Variants in RSF1 observed in about 807,000 individuals in gnomAD.
RSF1 encodes the protein HBV pX-associated protein 8.
A neutral mutation model predicts 145.2 loss-of-function variants in RSF1; 13 were observed. That is an observed-to-expected ratio of 0.09 (90% CI 0.06 to 0.14). RSF1 has a LOEUF of 0.14. RSF1 is among the 10% of genes least tolerant of loss of function. RSF1 has a pLI of 1.00. For missense variants in RSF1, 1,517 were observed against 1,718.2 expected (o/e 0.88, Z 2.07); for synonymous variants, 577 against 592.6 (o/e 0.97, Z 0.38).
chr11:77,762,457 C>T (rs1053220584), intron 2 of RSF1: 1 of 152,188 alleles, frequency 6.6e-6, no homozygotes, highest in African/African-American at 2.4e-5. Context: ...CCTTATTGCT[C>T]AGTTGGATTA....
intron 1 of RSF1, among the ~76,000 whole-genome samples, chr11:77,798,671 T>C (rs547654629): frequency 7.1e-6 from 1 of 141,670 alleles, no homozygotes; most frequent in Admixed American, 7.4e-5. Context: ...AAGGATGAGT[T>C]CATGTCTTTT....
At chr11:77,758,620 T>TA (rs1373971938) in intron 2 of RSF1, among the ~76,000 whole-genome samples, 8 of 152,128 alleles carry the variant, frequency 5.3e-5, no homozygotes, top group Non-Finnish European at 8.8e-5. Context: ...CTTTCCTTTT[T>TA]AAAAAAAATA....
chr11:77,741,311 G>C (rs1401178269), intron 3 of RSF1, among the ~76,000 whole-genome samples: 2 of 152,170 alleles, frequency 1.3e-5, no homozygotes, highest in Admixed American at 6.5e-5. Context: ...GGGAGGCCGA[G>C]GCAGGAGGAT....
chr11:77,777,204 CCATT>C (rs1435323036), intron 1 of RSF1, among the ~76,000 whole-genome samples: 2 of 152,044 alleles, frequency 1.3e-5, no homozygotes, highest in African/African-American at 4.8e-5. Context: ...TGCCATAATA[CCATT>C]ATTACCTCTT....
intron 12 of RSF1, 88 bp downstream of exon 12, chr11:77,677,997 TA>T: frequency 1.2e-6 from 1 of 851,100 alleles, no homozygotes; most frequent in Non-Finnish European, 2.0e-6. Context: ...GGAAAGAGAA[TA>T]AAAACATATG....
At chr11:77,673,952 G>A (rs1364793323) in intron 14 of RSF1, among the ~76,000 whole-genome samples, 4 of 152,152 alleles carry the variant, frequency 2.6e-5, no homozygotes, top group South Asian at 2.1e-4. Context: ...GTGAATAAAC[G>A]CATAGCCCTG....
chr11:77,694,698 C>T (rs1565150817), intron 7 of RSF1, among the ~76,000 whole-genome samples: 1 of 152,154 alleles, frequency 6.6e-6, no homozygotes, highest in Non-Finnish European at 1.5e-5. Flanking sequence ...AACTAAACAA[C>T]AGGCTATTCA....
intron 1 of RSF1, among the ~76,000 whole-genome samples, chr11:77,796,939 A>C (rs1442001001): frequency 6.6e-6 from 1 of 152,194 alleles, no homozygotes. Context: ...ATACCTAAGA[A>C]TCCAAGTTAC....
chr11:77,813,501 T>G, intron 1 of RSF1: 1 of 879,318 alleles, frequency 1.1e-6, no homozygotes, highest in East Asian at 2.4e-5. Flanking sequence ...TCTCAAAGTC[T>G]TGGTAGGTAT....
At chr11:77,854,987 T>C in the RSF1 span, among the ~76,000 whole-genome samples, 2 of 152,144 alleles carry the variant, frequency 1.3e-5, no homozygotes, top group Non-Finnish European at 2.9e-5. Context: ...GCTTAACACC[T>C]CATGGAAGCC....
chr11:77,854,604 G>A, the RSF1 span, among the ~76,000 whole-genome samples: 1 of 152,216 alleles, frequency 6.6e-6, no homozygotes, highest in African/African-American at 2.4e-5. Context: ...GCAAGGGGTG[G>A]GTTCCCAAGG....
rs375533209 is a variant in RSF1, at chr11:77,672,035, G to T, written c.3751+7C>A. ...AAACTTCTATATATAGGAGACCTAT[G>T]CCTTACCTTCACTCTCTGAGCTGGA... On this transcript the variant is annotated splice_region_variant and intron_variant, in intron 15 of 15. Transcript: ENST00000308488. 102 of 1,607,080 alleles carry T rather than the reference G, an allele frequency of 6.3e-5. No individual in the cohort carries two copies. The highest frequency in any genetic ancestry group is 8.3e-5 in the Non-Finnish European group (98 of 1,177,988).
At chr11:77,821,464 C>T (rs1207136537), upstream of RSF1, among the ~76,000 whole-genome samples, 1 of 151,902 alleles carries the variant, frequency 6.6e-6, no homozygotes, top group Non-Finnish European at 1.5e-5. Flanking sequence ...TGCTGGGGTA[C>T]AGGAATCGCA....
intron 1 of RSF1, among the ~76,000 whole-genome samples, chr11:77,787,111 T>G (rs540739509): frequency 1.3e-5 from 2 of 152,292 alleles, no homozygotes; most frequent in South Asian, 4.1e-4. Flanking sequence ...AGCAAAGGAC[T>G]GAGCAGGGCA....
chr11:77,780,654 G>C (rs374361270), intron 1 of RSF1, among the ~76,000 whole-genome samples: 24 of 151,984 alleles, frequency 1.6e-4, no homozygotes, highest in African/African-American at 5.6e-4. Context: ...GGTGAAACCT[G>C]TCTCTACTAA....
intron 5 of RSF1, among the ~76,000 whole-genome samples, chr11:77,723,604 C>T (rs149795783): frequency 1.3e-3 from 203 of 152,298 alleles, no homozygotes; most frequent in African/African-American, 4.4e-3. Context: ...CAATGAAGGA[C>T]GGTAATCAAC....
intron 5 of RSF1, among the ~76,000 whole-genome samples, chr11:77,710,556 T>G (rs1055527635): frequency 6.6e-6 from 1 of 152,210 alleles, no homozygotes; most frequent in Non-Finnish European, 1.5e-5. Flanking sequence ...CTGTTCTTTG[T>G]TTATCCTGTG....
At chr11:77,762,258 T>C (rs893167318) in intron 2 of RSF1, 15 of 152,068 alleles carry the variant, frequency 9.9e-5, no homozygotes, top group African/African-American at 3.4e-4. Context: ...TACGGATGAA[T>C]GTACGTTAGC....
intron 13 of RSF1, among the ~76,000 whole-genome samples, chr11:77,676,271 C>A (rs1056986933): frequency 2.0e-5 from 3 of 148,484 alleles, no homozygotes; most frequent in African/African-American, 7.6e-5. Flanking sequence ...AGCAGTTATG[C>A]AGAATGACTT....
Sources: allele counts gnomAD v4.1 joint callset (sites outside exome capture counted in the v4.1 genomes callset), GRCh38; gene constraint gnomAD v4.1.1; transcripts MANE v1.5; gene names NCBI Gene and HGNC (gene_info 2026-07-23, HGNC 2026-07-21).